Variants in CLASP1 observed in about 807,000 individuals in gnomAD.
The protein encoded by CLASP1 is CLIP-associating protein 1.
CLASP1 carries 38 observed loss-of-function variants against 192.3 expected under a neutral mutation model. The ratio of observed to expected loss-of-function variants is 0.20; its 90% CI spans 0.15 to 0.26. CLASP1 has a LOEUF of 0.26. Among genes scored for constraint, CLASP1 ranks in the 10% least tolerant of loss-of-function variants. The pLI is 1.00. For synonymous variants in CLASP1, 691 were observed against 712.8 expected (o/e 0.97, Z 0.49); for missense variants, 1,433 against 1,932.5 (o/e 0.74, Z 4.85).
chr2:121,478,905 C>CACACACCACACA (rs776445684), intron 8 of CLASP1, among the ~76,000 whole-genome samples: 1 of 51,690 alleles, frequency 1.9e-5, no homozygotes, highest in Admixed American at 2.0e-4. Context: ...ACACACCACA[C>CACACACCACACA]CACACACACC....
At chr2:121,474,762 C>T (rs570010285) in intron 8 of CLASP1, among the ~76,000 whole-genome samples, 1 of 152,214 alleles carries the variant, frequency 6.6e-6, no homozygotes, top group East Asian at 1.9e-4. Flanking sequence ...GAGGAAAGGG[C>T]ATACTGAGCA....
intron 2 of CLASP1, among the ~76,000 whole-genome samples, chr2:121,574,648 A>AC (rs1348517345): frequency 8.0e-5 from 12 of 150,222 alleles, no homozygotes; most frequent in Admixed American, 2.6e-4. Context: ...AAAAAAAAAA[A>AC]AAAACAAAAA....
rs72969385 is a variant in CLASP1 at position 121,530,681 on chromosome 2, T to C, written c.196-356A>G. The C allele has an allele frequency of 0.045, 22,901 of 508,652 alleles. 686 individuals carry two copies. Among genetic ancestry groups the C allele is most frequent in the East Asian group, 0.12 (3,967 of 33,550 alleles). The allele number at this position is 508,652 out of a possible 1,614,324, so 31.5% of individuals were successfully genotyped here. A position where few individuals can be genotyped will look rare whatever the true frequency, so the allele number is the denominator to read the frequency against. ...AAATTTTCGAGCGGCCGACGCGCGGTCTTCTGGGTAAAACCGAGCCGCCGC... is the reference window on the plus strand; with the variant it reads ...AAATTTTCGAGCGGCCGACGCGCGGCCTTCTGGGTAAAACCGAGCCGCCGC... On this transcript the variant is annotated intron_variant, in intron 2 of 39. Transcript: ENST00000263710.
At chr2:121,515,621 G>T (rs761317229) in intron 7 of CLASP1, 44 bp downstream of exon 7, 31 of 1,419,682 alleles carry the variant, frequency 2.2e-5, no homozygotes, top group Non-Finnish European at 3.0e-5. Flanking sequence ...CAAAGGGGGC[G>T]GGGGGTTGGG....
chr2:121,611,452 C>T lies in CLASP1; in HGVS notation c.-285-5272G>A, dbSNP rs528087599. On this transcript the variant is annotated intron_variant, in intron 1 of 39. Transcript: ENST00000263710. ...GGAACTGGAGGATGATGAGGAGTTA[C>T]AGGAGGAAGAGGAACTGGAGGAGGA... is the stretch of plus-strand genomic sequence containing the variant. Among the ~76,000 whole-genome samples, 22 of 121,094 alleles carry T rather than the reference C, an allele frequency of 1.8e-4. No individual in the cohort carries two copies. The South Asian group carries it at 6.2e-3, about 34-fold the overall frequency. 79.4% of individuals were successfully genotyped at this position (121,094 alleles called of 152,430 possible). A position where few individuals can be genotyped will look rare whatever the true frequency, so the allele number is the denominator to read the frequency against.
At chr2:121,579,327 A>G (rs2060886972) in intron 2 of CLASP1, among the ~76,000 whole-genome samples, 1 of 152,226 alleles carries the variant, frequency 6.6e-6, no homozygotes, top group African/African-American at 2.4e-5. Context: ...CTTGTTAAAA[A>G]TTGGTGTTTC....
intron 8 of CLASP1, among the ~76,000 whole-genome samples, chr2:121,498,886 T>C (rs1174896730): frequency 6.6e-6 from 1 of 152,180 alleles, no homozygotes; most frequent in African/African-American, 2.4e-5. Context: ...TTACAGCCAC[T>C]ATGGTGACTA....
chr2:121,531,099 A>C (rs939461579), intron 2 of CLASP1: 4 of 651,140 alleles, frequency 6.1e-6, no homozygotes, highest in Admixed American at 4.4e-5. Context: ...GAGGGTGCAC[A>C]AGACGCGTGG....
intron 35 of CLASP1, 25 bp from the exon 37 acceptor site, chr2:121,365,309 T>C: frequency 6.3e-7 from 1 of 1,598,442 alleles, no homozygotes; most frequent in Non-Finnish European, 8.5e-7. Flanking sequence ...CAGACATACG[T>C]CACCTCGTGA....
chr2:121,511,060 T>A (rs151028383), intron 7 of CLASP1, among the ~76,000 whole-genome samples: 1 of 152,208 alleles, frequency 6.6e-6, no homozygotes, highest in Non-Finnish European at 1.5e-5. Context: ...AAGTAGAAAG[T>A]ATGAGTATGC....
chr2:121,581,368 G>A (rs899148522), intron 2 of CLASP1, among the ~76,000 whole-genome samples: 6 of 145,958 alleles, frequency 4.1e-5, no homozygotes, highest in East Asian at 4.1e-4. Context: ...TCCGCTTCCC[G>A]GGTTCACGCC....
At chr2:121,380,818 T>A (rs1481936162) in intron 33 of CLASP1, among the ~76,000 whole-genome samples, 1 of 152,194 alleles carries the variant, frequency 6.6e-6, no homozygotes, top group African/African-American at 2.4e-5. Flanking sequence ...GTTATAAGTA[T>A]TCAGTAAGCA....
Position 121,448,261 on chromosome 2 carries a change from G to A in CLASP1, c.1741+15C>T, listed in dbSNP as rs747804504. On this transcript the variant is annotated intron_variant, in intron 18 of 39. Coordinates refer to ENST00000263710, the Ensembl canonical transcript of CLASP1. ...AGAGCGGAGAACAGGCCTTCTCCACGGCTGTCAGTCTCACCTCTAGATGTG... is the reference window on the plus strand; with the variant it reads ...AGAGCGGAGAACAGGCCTTCTCCACAGCTGTCAGTCTCACCTCTAGATGTG... 12 of 1,611,850 alleles carry A rather than the reference G, an allele frequency of 7.4e-6. No homozygotes were observed. Among genetic ancestry groups the A allele is most frequent in the African/African-American group, 4.0e-5 (3 of 74,896 alleles).
chr2:121,376,564 G>A (rs1195736771), intron 34 of CLASP1, among the ~76,000 whole-genome samples: 2 of 152,146 alleles, frequency 1.3e-5, no homozygotes, highest in South Asian at 4.2e-4. Flanking sequence ...CTGGTTAATA[G>A]CTGCAAAATT....
At chr2:121,470,698 A>G (rs1209690055) in intron 8 of CLASP1, 2 of 450,278 alleles carry the variant, frequency 4.4e-6, no homozygotes, top group African/African-American at 4.0e-5. Flanking sequence ...TGAAAACCAT[A>G]GAAGCAACAA....
At chr2:121,417,456 A>C (rs922970005) in intron 23 of CLASP1, among the ~76,000 whole-genome samples, 1 of 150,024 alleles carries the variant, frequency 6.7e-6, no homozygotes, top group Non-Finnish European at 1.5e-5. Context: ...TTCATTCAGA[A>C]AAAAAAAAAA....
Position 121,377,515 on chromosome 2 carries a change from T to C in CLASP1, c.3626A>G (p.Lys1209Arg), listed in dbSNP as rs1383432313. Residue 1209 changes from lysine to arginine, a missense_variant, in exon 34 of 40, where the codon AAA (lysine) becomes AGA (arginine). Lys to Arg is a conservative substitution (Grantham distance 26, BLOSUM62 2). Around this residue, in one of 8 missense-constraint regions of CLASP1, gnomAD observed 336 missense variants for 358.0 expected, o/e 0.94. Transcript: ENST00000263710. ...GATACTTACAATATCACACTCCTTTTTGCCATCTCGTTTAATTGGCTCATT... is the reference window on the plus strand; with the variant it reads ...GATACTTACAATATCACACTCCTTTCTGCCATCTCGTTTAATTGGCTCATT... 9 of 1,604,646 alleles carry C rather than the reference T, an allele frequency of 5.6e-6. No homozygotes were observed. The highest frequency in any genetic ancestry group is 6.8e-6 in the Non-Finnish European group (8 of 1,174,870).
At chr2:121,413,998 T>C (rs1559094729) in intron 23 of CLASP1, among the ~76,000 whole-genome samples, 143 bp downstream of exon 24, 1 of 152,024 alleles carries the variant, frequency 6.6e-6, no homozygotes, top group Non-Finnish European at 1.5e-5. Context: ...TTCAATAACT[T>C]AAAAAAATTA....
intron 1 of CLASP1, among the ~76,000 whole-genome samples, chr2:121,607,139 C>T (rs1432864786): frequency 6.6e-6 from 1 of 150,812 alleles, no homozygotes; most frequent in Non-Finnish European, 1.5e-5. Context: ...GTTAGGAATT[C>T]AAGACCAGCC....
Sources: allele counts gnomAD v4.1 joint callset (sites outside exome capture counted in the v4.1 genomes callset), GRCh38; gene constraint gnomAD v4.1.1; regional missense constraint gnomAD v4.1.1; transcripts MANE v1.5; gene names NCBI Gene and HGNC (gene_info 2026-07-23, HGNC 2026-07-21).